ZFHX3: variants seen among roughly 807,000 people sequenced by gnomAD.
The protein encoded by ZFHX3 is zinc finger homeobox protein 3.
In ZFHX3, 42 loss-of-function variants were observed where a neutral mutation model predicts 279.1. The ratio of observed to expected loss-of-function variants is 0.15; its 90% CI spans 0.12 to 0.19. The LOEUF is 0.19. Among genes scored for constraint, ZFHX3 ranks in the 10% least tolerant of loss-of-function variants. ZFHX3 has a pLI of 1.00. For synonymous variants in ZFHX3, 2,293 were observed against 1,957.8 expected (o/e 1.17, Z -4.52); for missense variants, 4,981 against 4,754.0 (o/e 1.05, Z -1.40).
At chr16:73,592,068 C>T (rs1348734233) in intron 2 of ZFHX3, among the ~76,000 whole-genome samples, 1 of 137,416 alleles carries the variant, frequency 7.3e-6, no homozygotes, top group African/African-American at 2.6e-5. Context: ...CCTGTCTCTA[C>T]TAAAAATACA....
chr16:73,000,245 G>A (rs1156759554), intron 1 of ZFHX3, among the ~76,000 whole-genome samples: 5 of 152,224 alleles, frequency 3.3e-5, no homozygotes, highest in Non-Finnish European at 5.9e-5. Flanking sequence ...GGAGAGAGGA[G>A]GGAGGGACGA....
At chr16:73,390,737 C>T (rs1410673865) in intron 3 of ZFHX3, among the ~76,000 whole-genome samples, 1 of 151,878 alleles carries the variant, frequency 6.6e-6, no homozygotes, top group Non-Finnish European at 1.5e-5. Context: ...GAGGATGGAC[C>T]CTTTTCTTTC....
intron 3 of ZFHX3, among the ~76,000 whole-genome samples, chr16:73,381,976 A>C (rs2143370924): frequency 6.6e-6 from 1 of 152,360 alleles, no homozygotes; most frequent in South Asian, 2.1e-4. Flanking sequence ...GTGTGAGAGC[A>C]GAGCTAGACA....
At chr16:72,843,127 T>C (rs1394024040) in intron 4 of ZFHX3, among the ~76,000 whole-genome samples, 2 of 152,184 alleles carry the variant, frequency 1.3e-5, no homozygotes, top group Non-Finnish European at 1.5e-5. Context: ...AGGTTCTACC[T>C]GTGTTTTGAG....
intron 1 of ZFHX3, among the ~76,000 whole-genome samples, chr16:73,785,787 C>T (rs1032485323): frequency 2.6e-5 from 4 of 152,192 alleles, no homozygotes; most frequent in African/African-American, 9.7e-5. Context: ...CTTCTCTCCT[C>T]TCTGAAATGT....
At chr16:72,930,216 C>T (rs1301875699) in intron 3 of ZFHX3, among the ~76,000 whole-genome samples, 1 of 151,558 alleles carries the variant, frequency 6.6e-6, no homozygotes, top group Non-Finnish European at 1.5e-5. Flanking sequence ...GAAACTCAGT[C>T]TCAATAGATA....
intron 2 of ZFHX3, among the ~76,000 whole-genome samples, chr16:73,590,480 C>T (rs1010958208): frequency 6.6e-6 from 1 of 152,162 alleles, no homozygotes; most frequent in Admixed American, 6.5e-5. Context: ...CCACTGGCTA[C>T]AAGTGGGTCA....
At chr16:72,880,684 GA>G in intron 4 of ZFHX3, among the ~76,000 whole-genome samples, 1 of 152,260 alleles carries the variant, frequency 6.6e-6, no homozygotes, top group East Asian at 1.9e-4. Context: ...CCTGTACCAG[GA>G]AAATCACACA....
chr16:72,951,605 A>C (rs927512357), intron 2 of ZFHX3, among the ~76,000 whole-genome samples: 3 of 152,214 alleles, frequency 2.0e-5, no homozygotes, highest in Non-Finnish European at 2.9e-5. Flanking sequence ...AGATCCAAGA[A>C]AAGACAGAAA....
intron 1 of ZFHX3, among the ~76,000 whole-genome samples, chr16:73,753,704 G>T (rs1350446478): frequency 6.6e-6 from 1 of 152,114 alleles, no homozygotes; most frequent in Non-Finnish European, 1.5e-5. Context: ...CACTGCCACT[G>T]GGCTAAGCCC....
intron 3 of ZFHX3, among the ~76,000 whole-genome samples, chr16:72,940,993 G>A (rs904537827): frequency 6.6e-6 from 1 of 152,206 alleles, no homozygotes; most frequent in Non-Finnish European, 1.5e-5. Context: ...TGTGAGCAAT[G>A]CTCACGTGCT....
chr16:73,498,131 A>G (rs1353356874), intron 2 of ZFHX3, among the ~76,000 whole-genome samples: 1 of 152,222 alleles, frequency 6.6e-6, no homozygotes, highest in Non-Finnish European at 1.5e-5. Context: ...CTGCCTTCTA[A>G]ATGTTTTTAT....
chr16:73,455,447 G>A (rs890969836), intron 3 of ZFHX3, among the ~76,000 whole-genome samples: 8 of 152,108 alleles, frequency 5.3e-5, no homozygotes, highest in Non-Finnish European at 1.0e-4. Context: ...CCACCCCAGA[G>A]GTCCCTTTGT....
At chr16:73,782,217 G>A (rs1959495310) in intron 1 of ZFHX3, among the ~76,000 whole-genome samples, 1 of 152,154 alleles carries the variant, frequency 6.6e-6, no homozygotes, top group African/African-American at 2.4e-5. Context: ...GACCTATGGA[G>A]AGATAAAGCT....
chr16:72,888,048 T>C (rs2038674826), intron 4 of ZFHX3, among the ~76,000 whole-genome samples: 1 of 152,022 alleles, frequency 6.6e-6, no homozygotes. Flanking sequence ...ATCTAAAACT[T>C]AAAAACAAGA....
Position 72,788,640 on chromosome 16 carries a change from C to T in ZFHX3, c.9636G>A (p.Pro3212=), listed in dbSNP as rs377503676. The change falls in exon 10 of 10, where the codon CCG becomes CCA. Residue 3212 remains proline (P), a synonymous_variant. Coordinates refer to ENST00000268489, the MANE Select transcript of ZFHX3 (RefSeq NM_006885.4). ...TGGGTGGCGGCTGGGCTGCTGGCGGCGGGGGAGGCTGCTGCACCTGTGGTT... is the reference window on the plus strand; with the variant it reads ...TGGGTGGCGGCTGGGCTGCTGGCGGTGGGGGAGGCTGCTGCACCTGTGGTT... ...QQQPQVQQPP[P]PPAAQPPPTP... 40 of 1,612,972 alleles carry T rather than the reference C, an allele frequency of 2.5e-5. No homozygotes were observed. The highest frequency in any genetic ancestry group is 2.1e-4 in the South Asian group (19 of 90,976).
At chr16:73,661,190 A>T (rs1389064811) in intron 2 of ZFHX3, among the ~76,000 whole-genome samples, 2 of 152,240 alleles carry the variant, frequency 1.3e-5, no homozygotes, top group Non-Finnish European at 2.9e-5. Flanking sequence ...TTCCTATTTC[A>T]GAAACTTATA....
intron 4 of ZFHX3, among the ~76,000 whole-genome samples, chr16:73,265,045 G>C (rs192815361): frequency 2.2e-5 from 3 of 136,238 alleles, no homozygotes. Flanking sequence ...ACACCTCAGC[G>C]CATATATATA....
At chr16:73,611,838 C>A (rs1356903404) in intron 2 of ZFHX3, among the ~76,000 whole-genome samples, 2 of 152,164 alleles carry the variant, frequency 1.3e-5, no homozygotes, top group East Asian at 3.8e-4. Flanking sequence ...AAAATATGAT[C>A]CTAAAAATGT....
Sources: gnomAD v4.1 joint callset for allele counts (sites outside exome capture counted in the v4.1 genomes callset) on GRCh38, gnomAD v4.1.1 for gene constraint, MANE v1.5 for transcripts, NCBI Gene and HGNC (gene_info 2026-07-23, HGNC 2026-07-21) for gene names.